UBE2G1: variants seen among roughly 807,000 people sequenced by gnomAD.
The protein encoded by UBE2G1 is ubiquitin-conjugating enzyme E2 G1.
A neutral mutation model predicts 22.7 loss-of-function variants in UBE2G1; 5 were observed. That is an observed-to-expected ratio of 0.22 (90% CI 0.12 to 0.46). UBE2G1 has a LOEUF of 0.46. Among genes scored for constraint, UBE2G1 ranks in the 20% least tolerant of loss-of-function variants. The probability of loss-of-function intolerance (pLI) is 0.99; values close to 1 mark genes in which losing one functional copy is unlikely to be tolerated. For missense variants in UBE2G1, 88 were observed against 203.9 expected (o/e 0.43, Z 3.46); for synonymous variants, 74 against 67.5 (o/e 1.10, Z -0.47).
intron 1 of UBE2G1, among the ~76,000 whole-genome samples, chr17:4,336,916 T>C (rs572730678): frequency 6.6e-6 from 1 of 152,292 alleles, no homozygotes; most frequent in African/African-American, 2.4e-5. Context: ...GCAACAGTTA[T>C]AAAAACTGAT....
At chr17:4,340,114 C>A (rs1299048094) in intron 1 of UBE2G1, among the ~76,000 whole-genome samples, 3 of 151,936 alleles carry the variant, frequency 2.0e-5, no homozygotes, top group African/African-American at 7.3e-5. Flanking sequence ...GAGACAGGGT[C>A]TCCCCTATGT....
intron 5 of UBE2G1, among the ~76,000 whole-genome samples, chr17:4,279,706 C>G (rs1284904746): frequency 6.6e-6 from 1 of 151,122 alleles, no homozygotes; most frequent in African/African-American, 2.5e-5. Flanking sequence ...ACCCAGGAGA[C>G]GGAGATTGCA....
chr17:4,355,310 A>T (rs1271695754), intron 1 of UBE2G1, among the ~76,000 whole-genome samples: 3 of 150,580 alleles, frequency 2.0e-5, no homozygotes, highest in African/African-American at 7.3e-5. Flanking sequence ...TACAGGCATG[A>T]GTCACTAAGC....
intron 5 of UBE2G1, among the ~76,000 whole-genome samples, chr17:4,279,747 C>G (rs185977815): frequency 2.5e-5 from 3 of 121,770 alleles, no homozygotes; most frequent in Non-Finnish European, 5.5e-5. Context: ...TGCAATCCAG[C>G]CCGAGCGACA....
intron 1 of UBE2G1, among the ~76,000 whole-genome samples, chr17:4,344,364 C>T (rs1969745660): frequency 6.6e-6 from 1 of 151,930 alleles, no homozygotes; most frequent in Admixed American, 6.6e-5. Context: ...CACAGTGAAA[C>T]CCCGTCTCTA....
At chr17:4,366,105 G>C (rs1017985310) in intron 1 of UBE2G1, among the ~76,000 whole-genome samples, 166 bp downstream of exon 1, 1 of 152,140 alleles carries the variant, frequency 6.6e-6, no homozygotes, top group Non-Finnish European at 1.5e-5. Flanking sequence ...CCAAGAGCCG[G>C]GCGAGAACGG....
At chr17:4,289,900 C>A (rs4790189) in intron 3 of UBE2G1, among the ~76,000 whole-genome samples, 81 of 152,266 alleles carry the variant, frequency 5.3e-4, no homozygotes, top group African/African-American at 1.8e-3. Flanking sequence ...TCATATAAAG[C>A]CAAAATTGTA....
chr17:4,280,915 G>A (rs1338058549), intron 5 of UBE2G1, among the ~76,000 whole-genome samples: 2 of 152,144 alleles, frequency 1.3e-5, no homozygotes, highest in Non-Finnish European at 2.9e-5. Flanking sequence ...TTACAGGTGT[G>A]AGCCACCGCA....
At chr17:4,361,609 C>T (rs1012242936) in intron 1 of UBE2G1, among the ~76,000 whole-genome samples, 1 of 152,114 alleles carries the variant, frequency 6.6e-6, no homozygotes, top group African/African-American at 2.4e-5. Flanking sequence ...TAAACGTTAG[C>T]CTATATAAAC....
intron 1 of UBE2G1, among the ~76,000 whole-genome samples, chr17:4,346,040 T>A (rs1038274531): frequency 1.5e-4 from 23 of 152,228 alleles, no homozygotes; most frequent in African/African-American, 5.5e-4. Context: ...GCTATTGATA[T>A]TGCAACAATA....
At chr17:4,273,752 GAA>G (rs1036958159) in intron 5 of UBE2G1, among the ~76,000 whole-genome samples, 7 of 152,214 alleles carry the variant, frequency 4.6e-5, no homozygotes, top group African/African-American at 7.2e-5. Flanking sequence ...AGCAGAAAAG[GAA>G]ACACCTATTA....
intron 2 of UBE2G1, among the ~76,000 whole-genome samples, chr17:4,304,778 C>A (rs1466347814): frequency 1.3e-5 from 2 of 151,908 alleles, no homozygotes; most frequent in Admixed American, 1.3e-4. Flanking sequence ...CTATAACACC[C>A]CTCCCCCCAG....
chr17:4,305,919 T>C (rs955086719), intron 2 of UBE2G1, among the ~76,000 whole-genome samples: 1 of 152,262 alleles, frequency 6.6e-6, no homozygotes, highest in Admixed American at 6.5e-5. Context: ...AAAAGAAGAC[T>C]GTGGTCTTTG....
intron 5 of UBE2G1, among the ~76,000 whole-genome samples, chr17:4,277,418 GTCC>G (rs568402159): frequency 2.3e-4 from 35 of 152,216 alleles, no homozygotes; most frequent in Non-Finnish European, 4.8e-4. Flanking sequence ...GCAGAACGGA[GTCC>G]TCCTGTCCAG....
At chr17:4,349,150 G>T (rs1328011476) in intron 1 of UBE2G1, among the ~76,000 whole-genome samples, 1 of 152,086 alleles carries the variant, frequency 6.6e-6, no homozygotes, top group Admixed American at 6.6e-5. Flanking sequence ...GTGAAACCCT[G>T]TCTCTACTAA....
chr17:4,303,519 TAAG>T (rs1384313807), intron 2 of UBE2G1, among the ~76,000 whole-genome samples: 2 of 152,134 alleles, frequency 1.3e-5, no homozygotes, highest in African/African-American at 4.8e-5. Context: ...GTCACTCAAC[TAAG>T]AAGAGTGGTA....
At chr17:4,326,395 A>C (rs1969504544) in intron 1 of UBE2G1, among the ~76,000 whole-genome samples, 1 of 152,228 alleles carries the variant, frequency 6.6e-6, no homozygotes. Context: ...ACCACTTCAC[A>C]CCAATTAGAA....
chr17:4,282,829 TA>T lies in UBE2G1; in HGVS notation c.*5del, dbSNP rs1968911236. The T allele has an allele frequency of 6.2e-7, 1 of 1,608,400 alleles. No homozygotes were observed. Among genetic ancestry groups the T allele is most frequent in the Non-Finnish European group, 8.5e-7 (1 of 1,177,870 alleles). Reference sequence around the variant, plus strand: ...ATAAGTGAAGTTACTAGCTGCTAAATAAATGTCACTCAAAAGCAGTCTCTTG... The same window carrying T: ...ATAAGTGAAGTTACTAGCTGCTAAATAATGTCACTCAAAAGCAGTCTCTTG... On this transcript the variant is annotated 3_prime_UTR_variant, in exon 5 of 6. Coordinates refer to ENST00000396981, the MANE Select transcript of UBE2G1 (RefSeq NM_003342.5).
In UBE2G1 at chr17:4,272,331, T is replaced by G. The variant is rs1968770666; in HGVS notation, c.*223A>C. 5.8e-6 allele frequency: 1 copy of G among 172,202 alleles called. No individual in the cohort carries two copies. Among genetic ancestry groups the G allele is most frequent in the Non-Finnish European group, 1.2e-5 (1 of 80,688 alleles). The allele number at this position is 172,202 out of a possible 1,614,324, so 10.7% of individuals were successfully genotyped here. A position where few individuals can be genotyped will look rare whatever the true frequency, so the allele number is the denominator to read the frequency against. On this transcript the variant is annotated 3_prime_UTR_variant, in exon 6 of 6. Coordinates refer to ENST00000396981, the MANE Select transcript of UBE2G1 (RefSeq NM_003342.5). ...CAATTCTTCCTGAAGGTTAAAACAG[T>G]TCATTAGAATTCAAAATGCGTAATC...
Sources: gnomAD v4.1 joint callset for allele counts (sites outside exome capture counted in the v4.1 genomes callset) on GRCh38, gnomAD v4.1.1 for gene constraint, MANE v1.5 for transcripts, NCBI Gene and HGNC (gene_info 2026-07-23, HGNC 2026-07-21) for gene names.